DAB1: variants seen among roughly 807,000 people sequenced by gnomAD.
The protein encoded by DAB1 is DAB adaptor protein 1.
DAB1 carries 15 observed loss-of-function variants against 64.6 expected under a neutral mutation model. The ratio of observed to expected loss-of-function variants is 0.23; its 90% CI spans 0.16 to 0.36. DAB1 has a LOEUF of 0.36. Among genes scored for constraint, DAB1 ranks in the 10% least tolerant of loss-of-function variants. DAB1 has a pLI of 1.00. For missense variants in DAB1, 596 were observed against 706.7 expected (o/e 0.84, Z 1.78); for synonymous variants, 235 against 251.9 (o/e 0.93, Z 0.64).
chr1:57,172,669 G>A (rs1350723435), intron 2 of DAB1, among the ~76,000 whole-genome samples: 1 of 152,092 alleles, frequency 6.6e-6, no homozygotes, highest in Non-Finnish European at 1.5e-5. Flanking sequence ...AAGAAAGGAA[G>A]CGATCAGGAT....
chr1:57,787,130 T>G (rs763608974), intron 6 of DAB1, among the ~76,000 whole-genome samples: 3 of 152,172 alleles, frequency 2.0e-5, no homozygotes, highest in African/African-American at 7.2e-5. Flanking sequence ...GTCAAAATTC[T>G]AGTAGATATT....
intron 5 of DAB1, among the ~76,000 whole-genome samples, chr1:57,970,086 G>A (rs2100303882): frequency 6.6e-6 from 1 of 152,268 alleles, no homozygotes; most frequent in South Asian, 2.1e-4. Context: ...CACCGTCTAT[G>A]AAATAGAAAG....
chr1:57,390,564 G>A lies in DAB1; in HGVS notation c.-137+33366C>T, dbSNP rs369518195. Reference sequence around the variant, plus strand: ...TATTCCAGTGGCATGGATAATCAGAGCCCTGGCATATAACCTTCTTCTGGA... The same window carrying A: ...TATTCCAGTGGCATGGATAATCAGAACCCTGGCATATAACCTTCTTCTGGA... On this transcript the variant is annotated intron_variant, in intron 1 of 14. Transcript: ENST00000371236. Among the ~76,000 whole-genome samples, 97 of 152,210 alleles carry A rather than the reference G, an allele frequency of 6.4e-4. 2 individuals are homozygous for A. The South Asian group carries it at 0.015, about 23-fold the overall frequency.
intron 7 of DAB1, among the ~76,000 whole-genome samples, chr1:57,429,913 A>G (rs937833138): frequency 6.6e-6 from 1 of 152,196 alleles, no homozygotes; most frequent in African/African-American, 2.4e-5. Flanking sequence ...CTTTGAAATC[A>G]GGTAGTATGA....
chr1:57,056,515 A>G (rs1299223071), intron 9 of DAB1, among the ~76,000 whole-genome samples: 1 of 151,242 alleles, frequency 6.6e-6, no homozygotes, highest in African/African-American at 2.4e-5. Context: ...AAAAAAAAAA[A>G]AAAAAGAAAA....
rs1422670949 is a variant in DAB1 at position 56,997,709 on chromosome 1, C to T, written c.*435G>A. ...TTGCTTAAAGAAGTCAGTTCCAACC[C>T]TGTTGTAATCCTCTGATGCCTGTCA... On this transcript the variant is annotated 3_prime_UTR_variant, in exon 15 of 15. Coordinates refer to ENST00000371236, the MANE Select transcript of DAB1 (RefSeq NM_001365792.1). 1 of 152,176 alleles carries T rather than the reference C, an allele frequency of 6.6e-6. No individual in the cohort carries two copies. Among genetic ancestry groups the T allele is most frequent in the East Asian group, 1.9e-4 (1 of 5,192 alleles). The allele number at this position is 152,176 out of a possible 1,614,324, so 9.4% of individuals were successfully genotyped here.
At chr1:58,320,125 C>A (rs1662648434) in intron 4 of DAB1, among the ~76,000 whole-genome samples, 1 of 152,196 alleles carries the variant, frequency 6.6e-6, no homozygotes, top group Admixed American at 6.5e-5. Flanking sequence ...AAGCTCACAT[C>A]TTAGTGAAGA....
At chr1:57,314,347 G>A (rs1373295700) in intron 1 of DAB1, among the ~76,000 whole-genome samples, 2 of 152,198 alleles carry the variant, frequency 1.3e-5, no homozygotes, top group Non-Finnish European at 2.9e-5. Flanking sequence ...AATGTCCCAG[G>A]CTCTGTCAGC....
intron 2 of DAB1, among the ~76,000 whole-genome samples, chr1:57,182,164 T>C (rs868503830): frequency 2.2e-4 from 34 of 152,154 alleles, no homozygotes; most frequent in Middle Eastern, 3.2e-3. Context: ...GGATTACAGG[T>C]GTGAGCCACC....
chr1:58,138,318 C>G (rs1338558765), intron 5 of DAB1, among the ~76,000 whole-genome samples: 1 of 152,108 alleles, frequency 6.6e-6, no homozygotes, highest in Non-Finnish European at 1.5e-5. Context: ...CAAACTAACA[C>G]TAGAATAAGC....
intron 7 of DAB1, among the ~76,000 whole-genome samples, chr1:57,430,377 A>ATT (rs10659663): frequency 0.03 from 4,262 of 141,858 alleles, 236 homozygotes; most frequent in African/African-American, 0.1. Flanking sequence ...AGTTAATACA[A>ATT]TTTTTTTTTT....
intron 7 of DAB1, among the ~76,000 whole-genome samples, chr1:57,440,116 A>G (rs774580811): frequency 6.6e-6 from 1 of 152,032 alleles, no homozygotes; most frequent in Non-Finnish European, 1.5e-5. Context: ...ATTTTTTGAA[A>G]TTCTTCTCAA....
chr1:58,402,499 G>C (rs1644579971), intron 3 of DAB1, among the ~76,000 whole-genome samples: 1 of 152,156 alleles, frequency 6.6e-6, no homozygotes, highest in African/African-American at 2.4e-5. Flanking sequence ...GAGAGAAAAA[G>C]AAACAAGAGA....
Position 57,814,571 on chromosome 1 carries a change from T to C in DAB1, n.551+69428A>G, listed in dbSNP as rs17116321. ...GCATGTATGAGCTATCGAGTTTGTA[T>C]TTAAATCTGTTTCCTTCTTGGAAGA... On this transcript the variant is annotated intron_variant and non_coding_transcript_variant, in intron 6 of 20. Transcript: ENST00000485760. Among the ~76,000 whole-genome samples, 369 of 152,320 alleles carry C rather than the reference T, an allele frequency of 2.4e-3. 1 individual carries two copies. Among genetic ancestry groups the C allele is most frequent in the African/African-American group, 8.6e-3 (356 of 41,572 alleles).
Position 57,071,633 on chromosome 1 carries a change from A to G in DAB1, c.447T>C (p.Pro149=). 6.2e-7 allele frequency: 1 copy of G among 1,613,324 alleles called. No homozygotes were observed. Among genetic ancestry groups the G allele is most frequent in the Non-Finnish European group, 8.5e-7 (1 of 1,179,826 alleles). ...AGAGATCTCTCAAGTCCAGAATAAC[A>G]GGTTCAGCCTGGGATGAAAGGTAGT... is the stretch of plus-strand genomic sequence containing the variant. ...VAIKTAQAAE[P]VILDLRDLFQ... is the part of the protein sequence containing the mutation. The change falls in exon 6 of 15, where the codon CCT becomes CCC. Residue 149 remains proline (P), a synonymous_variant. Coordinates refer to ENST00000371236, the MANE Select transcript of DAB1 (RefSeq NM_001365792.1).
chr1:58,415,531 CTCACT>C (rs1266575798), intron 3 of DAB1: 1 of 209,326 alleles, frequency 4.8e-6, no homozygotes, highest in Non-Finnish European at 8.3e-6. Flanking sequence ...GAAATCACAC[CTCACT>C]TCAGCCAAAA....
At chr1:57,629,147 G>C (rs144104522) in intron 7 of DAB1, among the ~76,000 whole-genome samples, 1 of 152,182 alleles carries the variant, frequency 6.6e-6, no homozygotes, top group East Asian at 1.9e-4. Flanking sequence ...CAATTCTTAT[G>C]AGTAGTTCTC....
intron 5 of DAB1, among the ~76,000 whole-genome samples, chr1:58,131,945 A>G (rs1653617902): frequency 6.6e-6 from 1 of 151,570 alleles, no homozygotes; most frequent in African/African-American, 2.4e-5. Flanking sequence ...GGTGGTGCCT[A>G]CAGAGGCAGG....
chr1:57,153,582 T>A (rs904710885), intron 2 of DAB1, among the ~76,000 whole-genome samples: 3 of 152,022 alleles, frequency 2.0e-5, no homozygotes, highest in African/African-American at 7.3e-5. Context: ...TTGGTTTTTT[T>A]ATTTTAATTT....
Sources: gnomAD v4.1 joint callset for allele counts (sites outside exome capture counted in the v4.1 genomes callset) on GRCh38, gnomAD v4.1.1 for gene constraint, MANE v1.5 for transcripts, NCBI Gene and HGNC (gene_info 2026-07-23, HGNC 2026-07-21) for gene names.